FBXO31: variants seen among roughly 807,000 people sequenced by gnomAD.
FBXO31 encodes F-box protein 31.
A neutral mutation model predicts 54.4 loss-of-function variants in FBXO31; 24 were observed. That is an observed-to-expected ratio of 0.44 (90% CI 0.32 to 0.62). FBXO31 has a LOEUF of 0.62. Among genes scored for constraint, FBXO31 ranks in the 20% least tolerant of loss-of-function variants. FBXO31 has a pLI of 0.05. For missense variants in FBXO31, 665 were observed against 787.1 expected (o/e 0.84, Z 1.86); for synonymous variants, 388 against 335.6 (o/e 1.16, Z -1.71).
intron 1 of FBXO31, among the ~76,000 whole-genome samples, chr16:87,376,653 G>C (rs573042700): frequency 6.6e-6 from 1 of 152,162 alleles, no homozygotes; most frequent in African/African-American, 2.4e-5. Context: ...GTTGAAACTG[G>C]GTGGTAAACA....
intron 2 of FBXO31, among the ~76,000 whole-genome samples, chr16:87,353,679 G>C (rs904783507): frequency 1.3e-5 from 2 of 152,074 alleles, no homozygotes; most frequent in African/African-American, 4.8e-5. Context: ...CAGCCTGTGA[G>C]AGGCGGGAAG....
intron 1 of FBXO31, among the ~76,000 whole-genome samples, chr16:87,382,983 C>T (rs988395203): frequency 2.6e-5 from 4 of 152,140 alleles, no homozygotes; most frequent in African/African-American, 9.7e-5. Flanking sequence ...GCCAGCGGGG[C>T]ACCCTCGGCT....
At position 87,346,755 on chromosome 16, in the gene FBXO31, T is replaced by C. The variant is rs369085829; in HGVS notation, c.489+419A>G. ...AGGGCACAGGGGGCGGGAGGCAGGGTGGTCAGAGCGGGTCCACAGCAGAAC... is the reference window on the plus strand; with the variant it reads ...AGGGCACAGGGGGCGGGAGGCAGGGCGGTCAGAGCGGGTCCACAGCAGAAC... On this transcript the variant is annotated intron_variant, in intron 3 of 8. Transcript: ENST00000311635. This position sits in a 1 kb window ranked among gnomAD's most constrained non-coding sequence, Gnocchi z 4.2. Among the ~76,000 whole-genome samples, 1 of 152,036 alleles carries C rather than the reference T, an allele frequency of 6.6e-6. No individual in the cohort carries two copies. Among genetic ancestry groups the C allele is most frequent in the African/African-American group, 2.4e-5 (1 of 41,480 alleles).
chr16:87,331,594 C>A, intron 8 of FBXO31, 84 bp from the exon 9 acceptor site: 1 of 1,173,798 alleles, frequency 8.5e-7, no homozygotes, highest in Non-Finnish European at 1.2e-6. Context: ...CGACCCCGCT[C>A]TGTGCCGCAA....
intron 2 of FBXO31, among the ~76,000 whole-genome samples, chr16:87,349,048 G>A (rs187333029): frequency 1.0e-3 from 156 of 152,284 alleles, no homozygotes; most frequent in Admixed American, 1.8e-3. Context: ...TACATGGGGA[G>A]AAAACACTGT....
chr16:87,385,780 G>T (rs927242778), upstream of FBXO31, among the ~76,000 whole-genome samples: 15 of 152,110 alleles, frequency 9.9e-5, no homozygotes, highest in Non-Finnish European at 1.5e-5. Flanking sequence ...AGGCCAAGGC[G>T]GGCAGATCAC....
In FBXO31 at chr16:87,346,413, CAAAGAGAAGG is replaced by C; in HGVS notation, c.489+751_489+760del. On this transcript the variant is annotated intron_variant, in intron 3 of 8. Transcript: ENST00000311635. The surrounding 1 kb of genome is among the most constrained non-coding windows in gnomAD (Gnocchi z 4.2). Reference sequence around the variant, plus strand: ...TCACTACTGTACCCAAAAAGATTAACAAAGAGAAGGAAAACTTCACCGAAAAACGGGAATT... The same window carrying C: ...TCACTACTGTACCCAAAAAGATTAACAAAACTTCACCGAAAAACGGGAATT... Among the ~76,000 whole-genome samples, 1 of 152,242 alleles carries C rather than the reference CAAAGAGAAGG, an allele frequency of 6.6e-6. No individual in the cohort carries two copies. Among genetic ancestry groups the C allele is most frequent in the African/African-American group, 2.4e-5 (1 of 41,556 alleles).
chr16:87,368,288 AT>A (rs2150690951), intron 1 of FBXO31, among the ~76,000 whole-genome samples: 1 of 152,362 alleles, frequency 6.6e-6, no homozygotes, highest in South Asian at 2.1e-4. Flanking sequence ...CCTTTAAGTA[AT>A]GTTCGATATT....
chr16:87,352,836 G>A (rs1277034764), intron 2 of FBXO31, among the ~76,000 whole-genome samples: 8 of 152,194 alleles, frequency 5.3e-5, no homozygotes, highest in Admixed American at 1.3e-4. Context: ...GGAAAGTACC[G>A]TGAAAGGTGA....
chr16:87,354,927 A>G (rs1905829079), intron 2 of FBXO31, among the ~76,000 whole-genome samples: 1 of 151,858 alleles, frequency 6.6e-6, no homozygotes, highest in Non-Finnish European at 1.5e-5. Flanking sequence ...AGATCGCGCC[A>G]CTGCACTCCA....
intron 1 of FBXO31, among the ~76,000 whole-genome samples, chr16:87,377,470 CA>C (rs1274341721): frequency 6.6e-6 from 1 of 151,978 alleles, no homozygotes; most frequent in East Asian, 1.9e-4. Context: ...GAAATTTTGC[CA>C]AAGTCACTAT....
chr16:87,332,801 C>A (rs1213222719), intron 8 of FBXO31, among the ~76,000 whole-genome samples: 1 of 151,936 alleles, frequency 6.6e-6, no homozygotes, highest in African/African-American at 2.4e-5. Context: ...GCGGGAAATA[C>A]AGACACATAG....
chr16:87,333,827 G>T (rs1215932969), intron 8 of FBXO31, 59 bp downstream of exon 8: 3 of 1,528,126 alleles, frequency 2.0e-6, no homozygotes, highest in Middle Eastern at 1.8e-4. Context: ...TGGGGCTGGG[G>T]CCCTCGCTGA....
intron 2 of FBXO31, among the ~76,000 whole-genome samples, chr16:87,359,444 C>T (rs1906038624): frequency 6.6e-6 from 1 of 152,210 alleles, no homozygotes; most frequent in Non-Finnish European, 1.5e-5. Context: ...AACACCTGGG[C>T]AGGCCAAACA....
At position 87,383,656 on chromosome 16, in the gene FBXO31, G is replaced by T; in HGVS notation, c.89C>A (p.Ala30Glu). 1 of 1,334,312 alleles carries T rather than the reference G, an allele frequency of 7.5e-7. No homozygotes were observed. The highest frequency in any genetic ancestry group is 9.6e-7 in the Non-Finnish European group (1 of 1,047,088). The allele number at this position is 1,334,312 out of a possible 1,614,324, so 82.7% of individuals were successfully genotyped here. A position where few individuals can be genotyped will look rare whatever the true frequency, so the allele number is the denominator to read the frequency against. The change falls in exon 1 of 9, where the codon GCG becomes GAG. Residue 30 changes from alanine (A) to glutamate (E), a missense_variant. Ala to Glu is a moderately radical substitution (Grantham distance 107). Transcript: ENST00000311635. The surrounding 1 kb of genome is among the most constrained non-coding windows in gnomAD (Gnocchi z 4.9). ...QQRRGPAETA[A>E]ADSEPDTDPE... is the part of the protein sequence containing the mutation. Reference sequence around the variant, plus strand: ...GTCTGTGTCCGGCTCGCTGTCGGCCGCCGCCGTCTCGGCCGGGCCCCGGCG... The same window carrying T: ...GTCTGTGTCCGGCTCGCTGTCGGCCTCCGCCGTCTCGGCCGGGCCCCGGCG...
At chr16:87,353,555 C>G (rs1483701888) in intron 2 of FBXO31, among the ~76,000 whole-genome samples, 2 of 152,226 alleles carry the variant, frequency 1.3e-5, no homozygotes, top group African/African-American at 4.8e-5. Context: ...CACGTGGGGA[C>G]AGAGGCAGGG....
At chr16:87,371,360 G>A (rs546781004) in intron 1 of FBXO31, among the ~76,000 whole-genome samples, 4 of 152,272 alleles carry the variant, frequency 2.6e-5, no homozygotes, top group South Asian at 2.1e-4. Flanking sequence ...GTCCCCTCTC[G>A]CTAAGATGCA....
chr16:87,358,258 T>C lies in FBXO31; in HGVS notation c.412+2037A>G, dbSNP rs116754073. Among the ~76,000 whole-genome samples, 1 of 152,164 alleles carries C rather than the reference T, an allele frequency of 6.6e-6. No homozygotes were observed. The highest frequency in any genetic ancestry group is 1.5e-5 in the Non-Finnish European group (1 of 68,038). ...TGTCACAGCTGAAGCAGAGCCACGC[T>C]GCAGCAAGTGAACGTGAAAGGATGA... is the stretch of plus-strand genomic sequence containing the variant. On this transcript the variant is annotated intron_variant, in intron 2 of 8. Transcript: ENST00000311635. The surrounding 1 kb of genome is among the most constrained non-coding windows in gnomAD (Gnocchi z 4.0).
chr16:87,379,031 G>C (rs1196952025), intron 1 of FBXO31, among the ~76,000 whole-genome samples: 1 of 151,658 alleles, frequency 6.6e-6, no homozygotes, highest in East Asian at 1.9e-4. Context: ...AAAGATATGA[G>C]AGTTCACTGC....
Sources: allele counts gnomAD v4.1 joint callset (sites outside exome capture counted in the v4.1 genomes callset), GRCh38; gene constraint gnomAD v4.1.1; non-coding constraint Gnocchi (gnomAD v3.1); transcripts MANE v1.5; gene names NCBI Gene and HGNC (gene_info 2026-07-23, HGNC 2026-07-21).